Variants in SCARA5 observed in about 807,000 individuals in gnomAD.
SCARA5 encodes scavenger receptor class A member 5, also known as scavenger receptor class A, member 5 (putative).
In SCARA5, 45 loss-of-function variants were observed where a neutral mutation model predicts 46.3. The observed-to-expected ratio is 0.97, with a 90% CI of 0.76 to 1.24. The LOEUF (loss-of-function observed/expected upper bound fraction) is 1.24, where lower values mean the gene tolerates loss of function less well. SCARA5 is among the 50% of genes most tolerant of loss of function. The pLI, the probability that SCARA5 is intolerant of heterozygous loss-of-function variation, is 0.00. For missense variants in SCARA5, 680 were observed against 689.0 expected (o/e 0.99, Z 0.15); for synonymous variants, 333 against 306.5 (o/e 1.09, Z -0.90).
chr8:27,987,712 G>A lies in SCARA5; in HGVS notation c.-15-82C>T, dbSNP rs1413949488. 4.9e-6 allele frequency: 4 copies of A among 821,326 alleles called. No homozygotes were observed. In the African/African-American group the frequency reaches 5.0e-5, roughly 10 times the overall value. 50.9% of individuals were successfully genotyped at this position (821,326 alleles called of 1,614,324 possible). On this transcript the variant is annotated intron_variant, in intron 1 of 8. Coordinates refer to ENST00000354914, the MANE Select transcript of SCARA5 (RefSeq NM_173833.6). ...GAATCAACTGTAGGTGGAAACAGAA[G>A]CAAATGGATAGAACAAGGTGCCCAC...
intron 7 of SCARA5, among the ~76,000 whole-genome samples, chr8:27,883,488 C>T (rs1315017958): frequency 1.3e-5 from 2 of 152,226 alleles, no homozygotes; most frequent in Non-Finnish European, 2.9e-5. Context: ...TGGGTCTTAT[C>T]AAAATCATTA....
In SCARA5 at chr8:27,921,825, G is replaced by C. The variant is rs368086965; in HGVS notation, c.662C>G (p.Ala221Gly). ...RRVGILGEEL[A>G]DVGGVLRGLN... ...GCCGCGCAGCACGCCGCCCACGTCGGCCAGCTCCTCGCCCAGGATGCCCAC... is the reference window on the plus strand; with the variant it reads ...GCCGCGCAGCACGCCGCCCACGTCGCCCAGCTCCTCGCCCAGGATGCCCAC... The change falls in exon 4 of 9, where the codon GCC becomes GGC. Residue 221 changes from alanine (A) to glycine (G), a missense_variant. Around this residue, in one of 3 missense-constraint regions of SCARA5, gnomAD observed 438 missense variants for 384.5 expected, o/e 1.14. Coordinates refer to ENST00000354914, the MANE Select transcript of SCARA5 (RefSeq NM_173833.6). 54 of 1,547,168 alleles carry C rather than the reference G, an allele frequency of 3.5e-5. No homozygotes were observed. The African/African-American group carries it at 6.3e-4, about 18-fold the overall frequency.
intron 8 of SCARA5, 77 bp from the exon 9 acceptor site, chr8:27,872,147 T>G (rs1245976173): frequency 6.6e-7 from 1 of 1,517,254 alleles, no homozygotes; most frequent in Admixed American, 1.7e-5. Context: ...TAACTGTGCC[T>G]GCCCTTGACT....
chr8:27,913,526 T>C (rs1807412286), intron 4 of SCARA5, among the ~76,000 whole-genome samples: 1 of 152,208 alleles, frequency 6.6e-6, no homozygotes, highest in Non-Finnish European at 1.5e-5. Flanking sequence ...TTGCATCCCT[T>C]TCCAGCTACA....
At chr8:27,916,554 A>T (rs970380099) in intron 4 of SCARA5, among the ~76,000 whole-genome samples, 6 of 152,200 alleles carry the variant, frequency 3.9e-5, no homozygotes, top group Non-Finnish European at 7.3e-5. Flanking sequence ...AGATAAAGCT[A>T]GGGCAGAAAG....
intron 7 of SCARA5, among the ~76,000 whole-genome samples, chr8:27,898,531 C>A (rs1158539185): frequency 6.6e-6 from 1 of 152,258 alleles, no homozygotes; most frequent in Non-Finnish European, 1.5e-5. Flanking sequence ...TCATCTCCAG[C>A]TCCCAGCCAG....
At chr8:27,975,805 C>A (rs1808514988) in intron 2 of SCARA5, among the ~76,000 whole-genome samples, 1 of 152,072 alleles carries the variant, frequency 6.6e-6, no homozygotes, top group Non-Finnish European at 1.5e-5. Flanking sequence ...AGCGAGGGCA[C>A]CCGGGGTAGG....
chr8:27,971,167 G>A (rs1162491904), intron 2 of SCARA5, among the ~76,000 whole-genome samples: 1 of 152,234 alleles, frequency 6.6e-6, no homozygotes, highest in African/African-American at 2.4e-5. Flanking sequence ...TGCAGCCTTG[G>A]GAGGGGAAGA....
At chr8:27,981,942 T>C (rs1207973502) in intron 2 of SCARA5, among the ~76,000 whole-genome samples, 1 of 152,014 alleles carries the variant, frequency 6.6e-6, no homozygotes, top group African/African-American at 2.4e-5. Flanking sequence ...TTCCCATCTT[T>C]GGGCAGCAGC....
chr8:27,950,216 G>A (rs555893236), intron 3 of SCARA5, among the ~76,000 whole-genome samples: 1 of 151,554 alleles, frequency 6.6e-6, no homozygotes, highest in South Asian at 2.1e-4. Context: ...CTGAGGCAGG[G>A]ACACCCACAC....
rs777041486 is a variant in SCARA5 at position 27,872,084 on chromosome 8, G to C, written c.1352-14C>G. 8.7e-6 allele frequency: 14 copies of C among 1,614,094 alleles called. No homozygotes were observed. In the South Asian group the frequency reaches 1.4e-4, roughly 16 times the overall value. The stretch of plus-strand genomic sequence containing the variant: ...TCCTCCCAGTGCCTGTGGAGACAGG[G>C]AAACACAGCTATAAGCGGATACACA... On this transcript the variant is annotated splice_polypyrimidine_tract_variant and intron_variant, in intron 8 of 8. Coordinates refer to ENST00000354914, the MANE Select transcript of SCARA5 (RefSeq NM_173833.6).
intron 3 of SCARA5, among the ~76,000 whole-genome samples, chr8:27,943,744 T>C (rs1471099153): frequency 6.6e-6 from 1 of 152,074 alleles, no homozygotes; most frequent in Non-Finnish European, 1.5e-5. Context: ...ATGAAGAGGG[T>C]TAGAAAAGCC....
chr8:27,909,373 C>T (rs769562963), intron 5 of SCARA5, among the ~76,000 whole-genome samples: 12 of 152,152 alleles, frequency 7.9e-5, no homozygotes, highest in Non-Finnish European at 1.8e-4. Context: ...ACTCCTTCTG[C>T]ATGCTCTGCT....
At chr8:27,964,584 G>A (rs1341587519) in intron 3 of SCARA5, among the ~76,000 whole-genome samples, 1 of 152,062 alleles carries the variant, frequency 6.6e-6, no homozygotes, top group African/African-American at 2.4e-5. Flanking sequence ...TTAGCAAACT[G>A]TCCTTTATTT....
intron 2 of SCARA5, among the ~76,000 whole-genome samples, chr8:27,983,809 C>G (rs958910096): frequency 2.8e-4 from 42 of 152,174 alleles, no homozygotes; most frequent in African/African-American, 9.2e-4. Context: ...CAGGTCCCAC[C>G]ACCAGGGAAG....
rs1211256366 is a variant in SCARA5, at chr8:27,891,199, G to GT, written c.1154-11434dup. ...ATGTGAACAGAACTACAATAGGTTTGTTTTTTTTTTGTTTTTTTTTTTAAA... is the reference window on the plus strand; with the variant it reads ...ATGTGAACAGAACTACAATAGGTTTGTTTTTTTTTTTGTTTTTTTTTTTAAA... On this transcript the variant is annotated intron_variant, in intron 7 of 8. Coordinates refer to ENST00000354914, the MANE Select transcript of SCARA5 (RefSeq NM_173833.6). Among the ~76,000 whole-genome samples the GT allele has an allele frequency of 3.2e-3, 141 of 43,422 alleles. 1 individual carries two copies. The highest frequency in any genetic ancestry group is 5.5e-3 in the African/African-American group (112 of 20,254). The allele number at this position is 43,422 out of a possible 152,430, so 28.5% of individuals were successfully genotyped here.
At chr8:27,977,974 G>A (rs1057301587) in intron 2 of SCARA5, among the ~76,000 whole-genome samples, 13 of 151,458 alleles carry the variant, frequency 8.6e-5, no homozygotes, top group Non-Finnish European at 1.6e-4. Flanking sequence ...TGGATATACT[G>A]GATTCACTAA....
intron 7 of SCARA5, among the ~76,000 whole-genome samples, chr8:27,886,425 A>G (rs1006091015): frequency 2.0e-5 from 3 of 152,196 alleles, no homozygotes; most frequent in Non-Finnish European, 2.9e-5. Flanking sequence ...TCCCCACCCA[A>G]CAAAATCTCA....
intron 7 of SCARA5, among the ~76,000 whole-genome samples, chr8:27,891,971 G>C (rs1047597763): frequency 7.2e-5 from 11 of 152,246 alleles, no homozygotes; most frequent in African/African-American, 2.4e-4. Context: ...TCAACAGGCT[G>C]GTTGGGTGTG....
Sources: allele counts gnomAD v4.1 joint callset (sites outside exome capture counted in the v4.1 genomes callset), GRCh38; gene constraint gnomAD v4.1.1; regional missense constraint gnomAD v4.1.1; transcripts MANE v1.5; gene names NCBI Gene and HGNC (gene_info 2026-07-23, HGNC 2026-07-21).